The following CD86 variants were observed in gnomAD, a reference collection of about 807,000 sequenced individuals.
CD86 encodes the protein T-lymphocyte activation antigen CD86.
Under a neutral mutation model 32.1 loss-of-function variants are expected in CD86, and 11 were observed. The ratio of observed to expected loss-of-function variants is 0.34; its 90% confidence interval spans 0.22 to 0.57. The LOEUF (loss-of-function observed/expected upper bound fraction) is 0.57, where lower values mean the gene tolerates loss of function less well. Among genes scored for constraint, CD86 ranks in the 20% least tolerant of loss-of-function variants. The pLI is 0.86. For synonymous variants in CD86, 137 were observed against 135.3 expected (o/e 1.01, Z -0.09); for missense variants, 359 against 398.4 (o/e 0.90, Z 0.84).
At chr3:122,113,961 G>T (rs191445933) in intron 5 of CD86, among the ~76,000 whole-genome samples, 16 of 152,206 alleles carry the variant, frequency 1.1e-4, no homozygotes, top group Admixed American at 3.3e-4. Flanking sequence ...CAATTAAAAG[G>T]TCTTTTAGGC....
chr3:122,073,478 AT>A (rs1304028533), intron 1 of CD86, among the ~76,000 whole-genome samples: 1 of 152,014 alleles, frequency 6.6e-6, no homozygotes, highest in African/African-American at 2.4e-5. Context: ...GTGTCTTTTT[AT>A]TCATATAATG....
chr3:122,088,182 C>CTTTTTT (rs60476471), intron 1 of CD86, among the ~76,000 whole-genome samples: 2 of 113,358 alleles, frequency 1.8e-5, no homozygotes, highest in African/African-American at 3.3e-5. Context: ...AAAGGGCCCT[C>CTTTTTT]TTTTTTTTTT....
chr3:122,071,043 T>G (rs370085563), intron 1 of CD86, among the ~76,000 whole-genome samples: 3 of 152,234 alleles, frequency 2.0e-5, no homozygotes. Context: ...CTACTCCCTT[T>G]GTGGAACACA....
At chr3:122,104,564 A>G (rs2073062257) in intron 3 of CD86, among the ~76,000 whole-genome samples, 1 of 152,144 alleles carries the variant, frequency 6.6e-6, no homozygotes, top group African/African-American at 2.4e-5. Context: ...CAGGACATAG[A>G]GCATTTCTAT....
chr3:122,104,488 T>C (rs907782105), intron 3 of CD86, among the ~76,000 whole-genome samples: 2 of 152,050 alleles, frequency 1.3e-5, no homozygotes, highest in African/African-American at 4.8e-5. Flanking sequence ...GTAAAATTAT[T>C]TTTTTTTGTT....
At position 122,106,249 on chromosome 3, in the gene CD86, T is replaced by C. The variant is rs773419046; in HGVS notation, c.452T>C (p.Val151Ala). Residue 151 changes from valine (V) to alanine (A), a missense_variant, in exon 4 of 7, where the codon GTG (valine) becomes GCG (alanine). Coordinates refer to ENST00000330540, the MANE Select transcript of CD86 (RefSeq NM_175862.5). ...CCAATTTCTAATATAACAGAAAATG[T>C]GTACATAAATTTGACCTGCTCATCT... is the stretch of plus-strand genomic sequence containing the variant. ...IVPISNITEN[V>A]YINLTCSSIH... The C allele has an allele frequency of 6.8e-6, 11 of 1,612,386 alleles. No individual in the cohort carries two copies. The Admixed American group carries it at 1.0e-4, about 15-fold the overall frequency.
chr3:122,091,397 T>C (rs1268892567), intron 1 of CD86, among the ~76,000 whole-genome samples: 1 of 152,168 alleles, frequency 6.6e-6, no homozygotes, highest in East Asian at 1.9e-4. Flanking sequence ...ATGGCCTGTA[T>C]AACTGCAGGG....
At position 122,118,066 on chromosome 3, in the gene CD86, G is replaced by A. The variant is rs752337557; in HGVS notation, c.866G>A (p.Arg289Lys). Residue 289 changes from arginine to lysine, a missense_variant, in exon 6 of 7, where the codon AGG becomes AAG. Physicochemically the swap from Arg to Lys is conservative, Grantham distance 26. Transcript: ENST00000330540. Reference sequence around the variant, plus strand: ...CTTTCAGGAACCAACACAATGGAGAGGGAAGAGAGTGAACAGACCAAGAAA... The same window carrying A: ...CTTTCAGGAACCAACACAATGGAGAAGGAAGAGAGTGAACAGACCAAGAAA... ...SYKCGTNTME[R>K]EESEQTKKRE... 5 of 1,613,456 alleles carry A rather than the reference G, an allele frequency of 3.1e-6. No homozygotes were observed. Among genetic ancestry groups the A allele is most frequent in the Admixed American group, 3.3e-5 (2 of 59,960 alleles).
At chr3:122,075,502 A>G (rs1320924762) in intron 1 of CD86, among the ~76,000 whole-genome samples, 2 of 152,224 alleles carry the variant, frequency 1.3e-5, no homozygotes, top group Non-Finnish European at 2.9e-5. Flanking sequence ...GGGATTATTT[A>G]TAAAAAAGAC....
At chr3:122,114,884 A>C (rs1407767515) in intron 5 of CD86, among the ~76,000 whole-genome samples, 1 of 152,248 alleles carries the variant, frequency 6.6e-6, no homozygotes, top group Non-Finnish European at 1.5e-5. Flanking sequence ...CTGACAAAGG[A>C]CATCTACCAA....
At chr3:122,118,743 C>A (rs561768762) in intron 6 of CD86, among the ~76,000 whole-genome samples, 2 of 152,160 alleles carry the variant, frequency 1.3e-5, no homozygotes, top group African/African-American at 4.8e-5. Context: ...GAGACCATAC[C>A]AGTTAAGCTC....
At chr3:122,114,207 C>T (rs1041289634) in intron 5 of CD86, among the ~76,000 whole-genome samples, 15 of 151,980 alleles carry the variant, frequency 9.9e-5, no homozygotes, top group African/African-American at 2.7e-4. Flanking sequence ...GCCAAGATCA[C>T]ACCACTGCAC....
chr3:122,077,784 A>G (rs1208917488), intron 1 of CD86: 1 of 985,374 alleles, frequency 1.0e-6, no homozygotes, highest in Non-Finnish European at 1.2e-6. Context: ...ACCTGCCGGC[A>G]GAAGTTATTT....
At chr3:122,089,034 G>A (rs2072770668) in intron 1 of CD86, among the ~76,000 whole-genome samples, 1 of 152,184 alleles carries the variant, frequency 6.6e-6, no homozygotes, top group African/African-American at 2.4e-5. Flanking sequence ...CTACAATGTG[G>A]ATGGCCCTTG....
At chr3:122,069,920 C>T (rs2072466601) in intron 1 of CD86, among the ~76,000 whole-genome samples, 1 of 152,190 alleles carries the variant, frequency 6.6e-6, no homozygotes. Context: ...GCCCTTTCTG[C>T]TAAAGCAACT....
chr3:122,119,089 C>T (rs1404464967), intron 6 of CD86, among the ~76,000 whole-genome samples: 1 of 152,140 alleles, frequency 6.6e-6, no homozygotes, highest in African/African-American at 2.4e-5. Flanking sequence ...AGCAACAAAA[C>T]TAATAATTCC....
chr3:122,056,245 T>C (rs971041182), intron 1 of CD86, among the ~76,000 whole-genome samples: 30 of 152,294 alleles, frequency 2.0e-4, no homozygotes, highest in Middle Eastern at 3.4e-3. Context: ...CCAGAAGGTT[T>C]CTCCATGCTG....
At chr3:122,066,501 T>A (rs1199147495) in intron 1 of CD86, among the ~76,000 whole-genome samples, 2 of 152,192 alleles carry the variant, frequency 1.3e-5, no homozygotes, top group African/African-American at 4.8e-5. Context: ...TATATCCTGC[T>A]AAAAGCTTGA....
intron 3 of CD86, among the ~76,000 whole-genome samples, chr3:122,105,311 G>C (rs939594602): frequency 2.7e-4 from 41 of 152,144 alleles, no homozygotes; most frequent in Non-Finnish European, 1.2e-4. Context: ...CCTTCTACAG[G>C]CCACATAGAC....
Sources: allele counts gnomAD v4.1 joint callset (sites outside exome capture counted in the v4.1 genomes callset), GRCh38; gene constraint gnomAD v4.1.1; transcripts MANE v1.5; gene names NCBI Gene and HGNC (gene_info 2026-07-23, HGNC 2026-07-21).